Variants in SDF4 observed in about 807,000 individuals in gnomAD.
SDF4 encodes 45 kDa calcium-binding protein.
SDF4 carries 22 observed loss-of-function variants against 34.2 expected under a neutral mutation model. That is an observed-to-expected ratio of 0.64 (90% CI 0.46 to 0.92). SDF4 has a LOEUF of 0.92. SDF4 is among the 40% of genes least tolerant of loss of function. SDF4 has a pLI of 0.00. For synonymous variants in SDF4, 236 were observed against 203.1 expected, an observed-to-expected ratio of 1.16 and a Z score of -1.38; for missense variants, 447 against 499.9, an observed-to-expected ratio of 0.89 and a Z score of 1.01.
chr1:1,229,504 G>A (rs767689690), intron 1 of SDF4, among the ~76,000 whole-genome samples: 1 of 152,172 alleles, frequency 6.6e-6, no homozygotes, highest in Non-Finnish European at 1.5e-5. Flanking sequence ...GAGCCACTGT[G>A]CCCGGTCTTT....
chr1:1,221,875 T>C (rs988486272), intron 4 of SDF4, among the ~76,000 whole-genome samples: 1 of 151,884 alleles, frequency 6.6e-6, no homozygotes, highest in Non-Finnish European at 1.5e-5. Flanking sequence ...GCCTGAGCCC[T>C]GGAAGGTACA....
rs1650091317 is a variant in SDF4 at position 1,223,341 on chromosome 1, G to A, written c.459C>T (p.Asp153=). Residue 153 remains aspartate (D), a synonymous_variant, in exon 4 of 7, where the codon GAC becomes GAT. Transcript: ENST00000360001. ...DPDGDGHVSW[D]EYKVKFLASK... ...TCGCCAAAAACTTCACCTTATACTCGTCCCAAGACACGTGACCTGGAAGAG... is the reference window on the plus strand; with the variant it reads ...TCGCCAAAAACTTCACCTTATACTCATCCCAAGACACGTGACCTGGAAGAG... 11 of 1,611,602 alleles carry A rather than the reference G, an allele frequency of 6.8e-6. No individual in the cohort carries two copies. Among genetic ancestry groups the A allele is most frequent in the South Asian group, 3.3e-5 (3 of 90,800 alleles).
chr1:1,229,425 T>G (rs1315564696), intron 1 of SDF4, among the ~76,000 whole-genome samples: 1 of 152,244 alleles, frequency 6.6e-6, no homozygotes, highest in African/African-American at 2.4e-5. Context: ...TTGCTCAGGC[T>G]GGTCTCAAAC....
rs1377501466 is a variant in SDF4 at position 1,225,407 on chromosome 1, T to A, written c.306-1439A>T. On this transcript the variant is annotated intron_variant, in intron 2 of 6. Transcript: ENST00000360001. ...TCAGGCAGGTGTGGCCTCTGGGACC[T>A]GGGCCAGGCAAGCTTCGAGGGTGCA... 5.9e-5 allele frequency among the ~76,000 whole-genome samples: 9 copies of A among 152,296 alleles called. No homozygotes were observed. The East Asian group carries it at 1.7e-3, about 29-fold the overall frequency.
rs1649561779 is a variant in SDF4 at position 1,217,290 on chromosome 1, GCCACAGCCCAGCCC to G, written c.*208_*221del. ...ACCAGGGAGGAGGCGGCGCCGCGGG[GCCACAGCCCAGCCC>G]CGCGCCCCGACCGCGTCACAGCCAA... On this transcript the variant is annotated 3_prime_UTR_variant, in exon 7 of 7. Coordinates refer to ENST00000360001, the MANE Select transcript of SDF4 (RefSeq NM_016176.6). The surrounding 1 kb of genome is among the most constrained non-coding windows in gnomAD (Gnocchi z 8.5). The G allele has an allele frequency of 4.6e-6, 1 of 219,254 alleles. No individual in the cohort carries two copies. Among genetic ancestry groups the G allele is most frequent in the East Asian group, 1.0e-4 (1 of 10,032 alleles). The allele number at this position is 219,254 out of a possible 1,614,324, so 13.6% of individuals were successfully genotyped here.
At position 1,217,887 on chromosome 1, in the gene SDF4, C is replaced by A. The variant is rs1003706920; in HGVS notation, c.892-199G>T. 50 of 1,418,122 alleles carry A rather than the reference C, an allele frequency of 3.5e-5. No individual in the cohort carries two copies. The highest frequency in any genetic ancestry group is 4.4e-5 in the Non-Finnish European group (47 of 1,077,238). The allele number at this position is 1,418,122 out of a possible 1,614,324, so 87.8% of individuals were successfully genotyped here. A position where few individuals can be genotyped will look rare whatever the true frequency, so the allele number is the denominator to read the frequency against. On this transcript the variant is annotated intron_variant, in intron 6 of 6. Coordinates refer to ENST00000360001, the MANE Select transcript of SDF4 (RefSeq NM_016176.6). The surrounding 1 kb of genome is among the most constrained non-coding windows in gnomAD (Gnocchi z 8.5). ...GGGGCCCCGGAAGGCCTGCCCGGGG[C>A]CAGCAGGGGTAACGGGGCACAGGGG...
At chr1:1,221,198 G>C (rs1649932892) in intron 4 of SDF4, 2 of 185,022 alleles carry the variant, frequency 1.1e-5, no homozygotes, top group African/African-American at 2.4e-5. Context: ...AGGCTCAAAA[G>C]TCTCCGCGTC....
intron 1 of SDF4, among the ~76,000 whole-genome samples, chr1:1,229,842 C>A (rs1191381328): frequency 6.6e-6 from 1 of 152,236 alleles, no homozygotes; most frequent in Non-Finnish European, 1.5e-5. Flanking sequence ...ACCCTAAGTG[C>A]AGAGGGCGTC....
chr1:1,221,923 C>T (rs1240033996), intron 4 of SDF4, among the ~76,000 whole-genome samples: 1 of 152,202 alleles, frequency 6.6e-6, no homozygotes, highest in Non-Finnish European at 1.5e-5. Context: ...GCACTGCAGG[C>T]TGGGTAGCAG....
chr1:1,217,842 C>T lies in SDF4; in HGVS notation c.892-154G>A. 6.5e-7 allele frequency: 1 copy of T among 1,530,762 alleles called. No individual in the cohort carries two copies. The highest frequency in any genetic ancestry group is 8.7e-7 in the Non-Finnish European group (1 of 1,144,238). 94.8% of individuals were successfully genotyped at this position (1,530,762 alleles called of 1,614,324 possible). ...CGAAGGGAGGCGGCACAAATGAAAA[C>T]ACAGGGCAGGGAGAAGCCGGGGGCC... is the stretch of plus-strand genomic sequence containing the variant. On this transcript the variant is annotated intron_variant, in intron 6 of 6. Coordinates refer to ENST00000360001, the MANE Select transcript of SDF4 (RefSeq NM_016176.6). The surrounding 1 kb of genome is among the most constrained non-coding windows in gnomAD (Gnocchi z 8.5).
rs201719242 is a variant in SDF4, at chr1:1,217,700, C to G, written c.892-12G>C. ...GGGTCCATGTAGCTCTGCGGGCGAG[C>G]GGGGCACAGGTCAGCGTCGCCTTTC... On this transcript the variant is annotated splice_polypyrimidine_tract_variant and intron_variant, in intron 6 of 6. Coordinates refer to ENST00000360001, the MANE Select transcript of SDF4 (RefSeq NM_016176.6). This position sits in a 1 kb window ranked among gnomAD's most constrained non-coding sequence, Gnocchi z 8.5. 1.2e-6 allele frequency: 2 copies of G among 1,613,412 alleles called. No individual in the cohort carries two copies. The highest frequency in any genetic ancestry group is 2.2e-5 in the East Asian group (1 of 44,822).
Position 1,228,640 on chromosome 1 carries a change from C to T in SDF4, c.133G>A (p.Glu45Lys). 1.2e-6 allele frequency: 2 copies of T among 1,613,288 alleles called. No individual in the cohort carries two copies. Among genetic ancestry groups the T allele is most frequent in the Non-Finnish European group, 1.7e-6 (2 of 1,180,032 alleles). Residue 45 changes from glutamate to lysine, a missense_variant, in exon 2 of 7, where the codon GAG becomes AAG. Glu to Lys is a moderately conservative substitution (Grantham distance 56). Transcript: ENST00000360001. Reference sequence around the variant, plus strand: ...TCTGGGGGCAGGATCTCATTCTCCTCCCTGTTGGCTACTCTCTCTCGAGTG... The same window carrying T: ...TCTGGGGGCAGGATCTCATTCTCCTTCCTGTTGGCTACTCTCTCTCGAGTG... ...SSTRERVANR[E>K]ENEILPPDHL...
chr1:1,223,972 C>T lies in SDF4; in HGVS notation c.306-4G>A, dbSNP rs367831129. 6.2e-7 allele frequency: 1 copy of T among 1,609,802 alleles called. No individual in the cohort carries two copies. Among genetic ancestry groups the T allele is most frequent in the East Asian group, 2.2e-5 (1 of 44,866 alleles). ...CCGGTCAGTGTTCACATCCACCCTG[C>T]AAGACAGCAAATGGGCAGGTGGCCG... is the stretch of plus-strand genomic sequence containing the variant. On this transcript the variant is annotated splice_polypyrimidine_tract_variant and splice_region_variant and intron_variant, in intron 2 of 6. Transcript: ENST00000360001.
chr1:1,219,398 C>G, intron 4 of SDF4: 1 of 1,032,212 alleles, frequency 9.7e-7, no homozygotes, highest in Admixed American at 5.1e-5. Context: ...CAGGATGGGC[C>G]TGGGCCCCAC....
At chr1:1,230,797 G>C (rs55717744) in intron 1 of SDF4, among the ~76,000 whole-genome samples, 17,437 of 152,252 alleles carry the variant, frequency 0.11, 1,141 homozygotes, top group East Asian at 0.17. Flanking sequence ...CCCTTCCCTA[G>C]TGGTGGCATA....
At position 1,231,974 on chromosome 1, in the gene SDF4, C is replaced by A. The variant is rs1638516191; in HGVS notation, c.-257G>T. Reference sequence around the variant, plus strand: ...CCAACGGGCCCGGATCAGGCCACTGCCATCTTTCTTGCGGGCGGGGGCGGT... The same window carrying A: ...CCAACGGGCCCGGATCAGGCCACTGACATCTTTCTTGCGGGCGGGGGCGGT... On this transcript the variant is annotated 5_prime_UTR_variant, in exon 1 of 7. Coordinates refer to ENST00000360001, the MANE Select transcript of SDF4 (RefSeq NM_016176.6). The A allele has an allele frequency of 6.6e-6, 1 of 152,222 alleles. No individual in the cohort carries two copies. The highest frequency in any genetic ancestry group is 2.4e-5 in the African/African-American group (1 of 41,458). The allele number at this position is 152,222 out of a possible 1,614,324, so 9.4% of individuals were successfully genotyped here.
rs1330918284 is a variant in SDF4, at chr1:1,220,316, G to A, written c.557-1389C>T. The A allele has an allele frequency of 1.5e-5, 16 of 1,100,758 alleles. No homozygotes were observed. In the Admixed American group the frequency reaches 5.0e-4, roughly 34 times the overall value. The allele number at this position is 1,100,758 out of a possible 1,614,324, so 68.2% of individuals were successfully genotyped here. On this transcript the variant is annotated intron_variant, in intron 4 of 6. Transcript: ENST00000360001. ...GAGAGAGGCAGCGATGGAGGCGGGG[G>A]AAGGGAGTGATGCCCGCCTGCCACG... is the stretch of plus-strand genomic sequence containing the variant.
At chr1:1,223,785 T>TCCCCCCCCCCCCC in intron 3 of SDF4, 47 bp downstream of exon 3, 1 of 552,546 alleles carries the variant, frequency 1.8e-6, no homozygotes, top group South Asian at 2.1e-5. Context: ...CCCATGGCCC[T>TCCCCCCCCCCCCC]GCCCGCCCCG....
At chr1:1,223,172 A>G (rs779346647) in intron 4 of SDF4, 72 bp downstream of exon 4, 1 of 1,030,434 alleles carries the variant, frequency 9.7e-7, no homozygotes, top group Non-Finnish European at 1.5e-6. Context: ...CGGCACACTC[A>G]TGTACACACA....
Sources: gnomAD v4.1 joint callset for allele counts (sites outside exome capture counted in the v4.1 genomes callset) on GRCh38, gnomAD v4.1.1 for gene constraint, Gnocchi (gnomAD v3.1) non-coding constraint, MANE v1.5 for transcripts, NCBI Gene and HGNC (gene_info 2026-07-23, HGNC 2026-07-21) for gene names.